The following COL5A1 variants were observed in gnomAD, a reference collection of about 807,000 sequenced individuals.
The protein encoded by COL5A1 is collagen alpha-1(V) chain.
COL5A1 carries 16 observed loss-of-function variants against 263.7 expected under a neutral mutation model. The ratio of observed to expected loss-of-function variants is 0.06; its 90% CI spans 0.04 to 0.09. The LOEUF is 0.09. Ranked by LOEUF, COL5A1 falls within the 10% of genes least tolerant of loss-of-function variation. The pLI is 1.00. For missense variants in COL5A1, 2,036 were observed against 2,540.5 expected (o/e 0.80, Z 4.27); for synonymous variants, 1,012 against 1,004.5 (o/e 1.01, Z -0.14).
intron 1 of COL5A1, among the ~76,000 whole-genome samples, chr9:134,657,949 G>T (rs528245683): frequency 6.6e-6 from 1 of 151,920 alleles, no homozygotes; most frequent in Non-Finnish European, 1.5e-5. Flanking sequence ...CCAGGCCTGG[G>T]AGTCCTGGCC....
chr9:134,827,922 G>C (rs538249028), intron 63 of COL5A1, among the ~76,000 whole-genome samples: 3 of 152,360 alleles, frequency 2.0e-5, no homozygotes, highest in African/African-American at 7.2e-5. Context: ...AGAGCTCTGG[G>C]TGGCGTGAGA....
intron 2 of COL5A1, among the ~76,000 whole-genome samples, chr9:134,697,551 G>C (rs1215789081): frequency 1.3e-5 from 2 of 152,104 alleles, no homozygotes; most frequent in Non-Finnish European, 2.9e-5. Flanking sequence ...ATGAGAGTGA[G>C]GGAGTGGACT....
intron 4 of COL5A1, among the ~76,000 whole-genome samples, chr9:134,701,926 G>A (rs965341286): frequency 6.6e-6 from 1 of 152,246 alleles, no homozygotes; most frequent in Non-Finnish European, 1.5e-5. Context: ...CCCTTCATAG[G>A]TTGGGGTTCT....
In COL5A1 at chr9:134,767,141, G is replaced by C. The variant is rs570230958; in HGVS notation, c.2187+88G>C. On this transcript the variant is annotated intron_variant, in intron 23 of 65. Coordinates refer to ENST00000371817, the MANE Select transcript of COL5A1 (RefSeq NM_000093.5). ...CCGGAGCCCTGGGAGGAAGCGGGGAGCTCTGTCCCCTCCAAGTAGCAGCCC... is the reference window on the plus strand; with the variant it reads ...CCGGAGCCCTGGGAGGAAGCGGGGACCTCTGTCCCCTCCAAGTAGCAGCCC... The C allele has an allele frequency of 6.6e-6, 10 of 1,508,672 alleles. No homozygotes were observed. The Admixed American group carries it at 8.9e-5, about 13-fold the overall frequency. The allele number at this position is 1,508,672 out of a possible 1,614,324, so 93.5% of individuals were successfully genotyped here. A position where few individuals can be genotyped will look rare whatever the true frequency, so the allele number is the denominator to read the frequency against.
chr9:134,748,106 C>T (rs1209475771), intron 11 of COL5A1, among the ~76,000 whole-genome samples: 2 of 79,516 alleles, frequency 2.5e-5, no homozygotes, highest in African/African-American at 4.7e-5. Context: ...TGCATCCACA[C>T]ATGCATACAC....
chr9:134,814,694 G>T, intron 49 of COL5A1, 103 bp from the exon 50 acceptor site: 1 of 891,414 alleles, frequency 1.1e-6, no homozygotes. Flanking sequence ...CAGATACTTG[G>T]AAAGGCTGGT....
chr9:134,666,720 G>A (rs535669927), intron 1 of COL5A1, among the ~76,000 whole-genome samples: 2 of 152,286 alleles, frequency 1.3e-5, no homozygotes, highest in African/African-American at 4.8e-5. Context: ...CTAGCCCATC[G>A]TGACCCTTTT....
chr9:134,717,470 G>A (rs1006387527), intron 4 of COL5A1, among the ~76,000 whole-genome samples: 4 of 152,224 alleles, frequency 2.6e-5, no homozygotes, highest in African/African-American at 9.6e-5. Flanking sequence ...CACTCAGCCA[G>A]CAAGGGGCAG....
chr9:134,741,683 T>C lies in COL5A1; in HGVS notation c.1494+2875T>C, dbSNP rs1835308581. On this transcript the variant is annotated intron_variant, in intron 11 of 65. Coordinates refer to ENST00000371817, the MANE Select transcript of COL5A1 (RefSeq NM_000093.5). The surrounding 1 kb of genome is among the most constrained non-coding windows in gnomAD (Gnocchi z 4.5). ...GGGAGGTAAGAGAACTCTTCTTGCG[T>C]CCGTCGATTCTTACTTGGCTTCAGC... Among the ~76,000 whole-genome samples, 1 of 152,148 alleles carries C rather than the reference T, an allele frequency of 6.6e-6. No individual in the cohort carries two copies. The highest frequency in any genetic ancestry group is 1.5e-5 in the Non-Finnish European group (1 of 68,024).
chr9:134,715,581 G>A (rs1187486829), intron 4 of COL5A1, among the ~76,000 whole-genome samples: 1 of 152,188 alleles, frequency 6.6e-6, no homozygotes, highest in Non-Finnish European at 1.5e-5. Context: ...CCTAGGCAGA[G>A]GTCCCCGCGG....
intron 24 of COL5A1, 36 bp downstream of exon 24, chr9:134,767,390 C>G: frequency 6.3e-7 from 1 of 1,599,112 alleles, no homozygotes; most frequent in Non-Finnish European, 8.6e-7. Context: ...GGCCACTGCC[C>G]GCCTGCAGGT....
At chr9:134,760,560 A>C (rs1477563797) in intron 18 of COL5A1, among the ~76,000 whole-genome samples, 1 of 118,518 alleles carries the variant, frequency 8.4e-6, no homozygotes, top group Middle Eastern at 5.9e-3. Context: ...ACACGCACAT[A>C]CACACCCACA....
At position 134,798,389 on chromosome 9, in the gene COL5A1, C is replaced by T. The variant is rs773911040; in HGVS notation, c.2899-19C>T. 3.1e-6 allele frequency: 5 copies of T among 1,613,822 alleles called. No individual in the cohort carries two copies. The East Asian group carries it at 1.1e-4, about 36-fold the overall frequency. ...TCTCAGACACGAATGAACCTCCTTT[C>T]CTTTGGTTTTTTCTTCAGGGCCCTC... On this transcript the variant is annotated intron_variant, in intron 36 of 65. Transcript: ENST00000371817.
In COL5A1 at chr9:134,842,402, C is replaced by A; in HGVS notation, c.*99C>A. ...ACGTCCTGACCCTGGACAGTGAAGG[C>A]TTCTCCCTCCCCTCCCACCTGACTT... On this transcript the variant is annotated 3_prime_UTR_variant, in exon 66 of 66. Transcript: ENST00000371817. This position sits in a 1 kb window ranked among gnomAD's most constrained non-coding sequence, Gnocchi z 5.8. The A allele has an allele frequency of 7.1e-7, 1 of 1,414,320 alleles. No individual in the cohort carries two copies. Among genetic ancestry groups the A allele is most frequent in the Non-Finnish European group, 9.8e-7 (1 of 1,024,426 alleles). 87.6% of individuals were successfully genotyped at this position (1,414,320 alleles called of 1,614,324 possible).
rs768784369 is a variant in COL5A1, at chr9:134,730,283, T to G, written c.972T>G (p.Ser324Arg). Residue 324 changes from serine to arginine, a missense_variant, in exon 7 of 66, where the codon AGT becomes AGG. This residue lies in a region of COL5A1 where 600 missense variants were observed against 634.5 expected (regional missense o/e 0.95). Transcript: ENST00000371817. ...PTEAAPMPET[S>R]EGAGKEEDVG... ...AAGCTGCTCCCATGCCTGAAACCAG[T>G]GAAGGGGCTGGGAAGGAAGAGGACG... The G allele has an allele frequency of 6.2e-7, 1 of 1,614,072 alleles. No individual in the cohort carries two copies. Among genetic ancestry groups the G allele is most frequent in the Non-Finnish European group, 8.5e-7 (1 of 1,180,012 alleles).
In COL5A1 at chr9:134,774,839, C is replaced by T. The variant is rs1588534559; in HGVS notation, c.2332-20C>T. ...TCCACACTGGCATGGGGCTAACGGT[C>T]TTTTTCTGTTTGGTTTTAGGGTCCA... On this transcript the variant is annotated intron_variant, in intron 26 of 65. Transcript: ENST00000371817. The T allele has an allele frequency of 2.5e-6, 4 of 1,612,828 alleles. No homozygotes were observed. Among genetic ancestry groups the T allele is most frequent in the Non-Finnish European group, 3.4e-6 (4 of 1,179,492 alleles).
chr9:134,823,930 AGT>A lies in COL5A1; in HGVS notation c.4698+468_4698+469del, dbSNP rs201354796. Among the ~76,000 whole-genome samples, 1,383 of 151,940 alleles carry A rather than the reference AGT, an allele frequency of 9.1e-3. 20 individuals are homozygous for A. Among genetic ancestry groups the A allele is most frequent in the African/African-American group, 0.031 (1,294 of 41,384 alleles). On this transcript the variant is annotated intron_variant, in intron 61 of 65. Transcript: ENST00000371817. ...GGGGCACATATGTGTGTGCATGTGT[AGT>A]GTGTGTATATTGTATACGTGCATGC...
chr9:134,830,105 C>G, intron 64 of COL5A1, 61 bp downstream of exon 64: 4 of 1,613,256 alleles, frequency 2.5e-6, no homozygotes, highest in Non-Finnish European at 8.5e-7. Context: ...TCGTATCTTA[C>G]AGAGTAAAAT....
At chr9:134,777,866 CAT>C (rs1837109187) in intron 27 of COL5A1, among the ~76,000 whole-genome samples, 7 of 152,246 alleles carry the variant, frequency 4.6e-5, no homozygotes. Context: ...GGCAGCTGGA[CAT>C]CACCTTGCAT....
Sources: gnomAD v4.1 joint callset for allele counts (sites outside exome capture counted in the v4.1 genomes callset) on GRCh38, gnomAD v4.1.1 for gene constraint, gnomAD v4.1.1 regional missense constraint, Gnocchi (gnomAD v3.1) non-coding constraint, MANE v1.5 for transcripts, NCBI Gene and HGNC (gene_info 2026-07-23, HGNC 2026-07-21) for gene names.